ZFTRAF1: variants seen among roughly 807,000 people sequenced by gnomAD.
ZFTRAF1 encodes the protein zinc finger TRAF-type and ring finger containing 1.
chr8:144,454,502 T>C, the ZFTRAF1 span: 9 of 152,432 alleles, frequency 5.9e-5, no homozygotes, highest in East Asian at 1.7e-3. Flanking sequence ...TAGAGCTCGC[T>C]GAGGGGAGCA....
At chr8:144,450,330 G>A in the ZFTRAF1 span, 14 of 692,196 alleles carry the variant, frequency 2.0e-5, no homozygotes, top group South Asian at 9.1e-5. Context: ...ACAGGGCAGC[G>A]GTGCTGGGAT....
chr8:144,455,963 A>C, the ZFTRAF1 span: 2 of 152,264 alleles, frequency 1.3e-5, no homozygotes, highest in Non-Finnish European at 2.9e-5. Context: ...TCCAGATCCC[A>C]GCATGGGCTC....
the ZFTRAF1 span, chr8:144,457,335 C>T: frequency 6.6e-6 from 1 of 152,194 alleles, no homozygotes; most frequent in African/African-American, 2.4e-5. Context: ...GCCTCAGTTT[C>T]CTCATGTGCA....
At chr8:144,452,768 G>A in the ZFTRAF1 span, among the ~76,000 whole-genome samples, 2 of 152,226 alleles carry the variant, frequency 1.3e-5, no homozygotes, top group Admixed American at 6.5e-5. Flanking sequence ...GAGAGAGAGG[G>A]GAAGGAAGAG....
the ZFTRAF1 span, chr8:144,452,555 C>G: frequency 2.0e-6 from 3 of 1,537,710 alleles, no homozygotes; most frequent in Non-Finnish European, 2.6e-6. Context: ...TGCGTTTGTA[C>G]TTGCACTGGG....
At chr8:144,458,584 G>A in the ZFTRAF1 span, among the ~76,000 whole-genome samples, 1 of 151,930 alleles carries the variant, frequency 6.6e-6, no homozygotes, top group Non-Finnish European at 1.5e-5. Flanking sequence ...CGGGCAGAGA[G>A]GAGCCATCTC....
chr8:144,449,673 C>T, the ZFTRAF1 span: 1 of 152,326 alleles, frequency 6.6e-6, no homozygotes, highest in Non-Finnish European at 1.5e-5. Flanking sequence ...CCTGCTGAGC[C>T]CTGGTGGCTG....
the ZFTRAF1 span, among the ~76,000 whole-genome samples, chr8:144,458,704 A>T: frequency 2.0e-5 from 3 of 152,200 alleles, no homozygotes; most frequent in Non-Finnish European, 4.4e-5. Context: ...CAGAGTGGAC[A>T]CACCCTGGTC....
At chr8:144,453,507 T>G in the ZFTRAF1 span, 31 of 1,473,180 alleles carry the variant, frequency 2.1e-5, no homozygotes, top group African/African-American at 2.8e-5. Context: ...TGCGGGCTCA[T>G]GCTCGCACAC....
the ZFTRAF1 span, among the ~76,000 whole-genome samples, chr8:144,458,584 G>T: frequency 1.4e-4 from 21 of 152,048 alleles, no homozygotes; most frequent in East Asian, 3.7e-3. Context: ...CGGGCAGAGA[G>T]GAGCCATCTC....
the ZFTRAF1 span, among the ~76,000 whole-genome samples, chr8:144,460,003 G>A: frequency 0.032 from 4,834 of 152,328 alleles, 254 homozygotes; most frequent in African/African-American, 0.11. Context: ...GGGACACGCA[G>A]AAGGCAGCAT....
chr8:144,453,336 C>T, the ZFTRAF1 span: 9 of 1,551,202 alleles, frequency 5.8e-6, no homozygotes, highest in East Asian at 2.4e-5. Flanking sequence ...GGCCAGGTTC[C>T]GGCAGCAGAG....
chr8:144,456,243 T>A, the ZFTRAF1 span: 6 of 152,096 alleles, frequency 3.9e-5, no homozygotes, highest in African/African-American at 1.5e-4. Flanking sequence ...CGACCAACAC[T>A]CAGCCCAGGA....
the ZFTRAF1 span, chr8:144,452,579 G>A: frequency 6.5e-7 from 1 of 1,535,316 alleles, no homozygotes; most frequent in South Asian, 1.2e-5. Context: ...CCCTGGGGGA[G>A]GCAGGTACAT....
chr8:144,450,352 G>A, the ZFTRAF1 span: 1 of 704,890 alleles, frequency 1.4e-6, no homozygotes, highest in African/African-American at 1.8e-5. Context: ...CCGCCCGTGG[G>A]CTCCTCGGAC....
chr8:144,455,389 G>C, the ZFTRAF1 span: 1 of 152,228 alleles, frequency 6.6e-6, no homozygotes, highest in East Asian at 1.9e-4. Context: ...CTCTGACTGG[G>C]TTGGGGACAA....
chr8:144,451,536 C>T, the ZFTRAF1 span: 4 of 153,530 alleles, frequency 2.6e-5, no homozygotes, highest in Non-Finnish European at 4.3e-5. Flanking sequence ...GCCCACATCC[C>T]GCTGGGCACA....
At chr8:144,451,453 CT>C in the ZFTRAF1 span, 5 of 153,698 alleles carry the variant, frequency 3.3e-5, no homozygotes, top group Non-Finnish European at 5.8e-5. Context: ...TCCAGGACAG[CT>C]AAGGCTGCTA....
At chr8:144,451,180 C>G in the ZFTRAF1 span, 1 of 176,158 alleles carries the variant, frequency 5.7e-6, no homozygotes, top group African/African-American at 2.3e-5. Context: ...CCAGAAAAGC[C>G]AGCAGGCGGC....
Sources: allele counts gnomAD v4.1 joint callset (sites outside exome capture counted in the v4.1 genomes callset), GRCh38; gene constraint gnomAD v4.1.1; transcripts MANE v1.5; gene names NCBI Gene and HGNC (gene_info 2026-07-23, HGNC 2026-07-21).